COL24A1: variants seen among roughly 807,000 people sequenced by gnomAD.
COL24A1 encodes the protein collagen type XXIV alpha 1 chain, also known as collagen alpha-1(XXIV) chain.
Under a neutral mutation model 253.9 loss-of-function variants are expected in COL24A1, and 224 were observed. That is an observed-to-expected ratio of 0.88 (90% CI 0.79 to 0.99). COL24A1 has a LOEUF of 0.99. COL24A1 is among the 50% of genes least tolerant of loss of function. The pLI, the probability that COL24A1 is intolerant of heterozygous loss-of-function variation, is 0.00. For synonymous variants in COL24A1, 685 were observed against 673.7 expected (o/e 1.02, Z -0.26); for missense variants, 2,131 against 2,068.5 (o/e 1.03, Z -0.59).
At chr1:86,002,128 A>G (rs1039121846) in intron 19 of COL24A1, among the ~76,000 whole-genome samples, 1 of 152,262 alleles carries the variant, frequency 6.6e-6, no homozygotes, top group Non-Finnish European at 1.5e-5. Flanking sequence ...AAAGGCAGAG[A>G]TATTCCCATA....
chr1:85,790,242 G>A (rs1241243609), intron 47 of COL24A1, among the ~76,000 whole-genome samples: 2 of 152,216 alleles, frequency 1.3e-5, no homozygotes, highest in Non-Finnish European at 2.9e-5. Context: ...CTCATTATTG[G>A]TCTATTCAGG....
intron 56 of COL24A1, among the ~76,000 whole-genome samples, chr1:85,745,236 GT>G (rs1376996915): frequency 6.6e-6 from 1 of 151,880 alleles, no homozygotes; most frequent in South Asian, 2.1e-4. Flanking sequence ...TGATTTAAAT[GT>G]TTTCCTTACA....
chr1:85,835,224 C>T (rs946521158), intron 43 of COL24A1, among the ~76,000 whole-genome samples: 3 of 135,466 alleles, frequency 2.2e-5, no homozygotes, highest in South Asian at 2.3e-4. Flanking sequence ...CTCTGCCTCC[C>T]GGGTTCAAGT....
At chr1:85,832,498 T>C (rs1197077483) in intron 43 of COL24A1, among the ~76,000 whole-genome samples, 3,148 of 151,322 alleles carry the variant, frequency 0.021, 117 homozygotes, top group African/African-American at 0.072. Flanking sequence ...TGGCATTGAA[T>C]CTGTAAATTA....
chr1:85,746,286 T>G (rs1036112566), intron 55 of COL24A1, among the ~76,000 whole-genome samples: 2 of 152,186 alleles, frequency 1.3e-5, no homozygotes, highest in Non-Finnish European at 2.9e-5. Context: ...AACAGATATC[T>G]CATAGCTCAT....
chr1:85,945,177 C>T (rs1191566669), intron 24 of COL24A1, among the ~76,000 whole-genome samples: 1 of 151,160 alleles, frequency 6.6e-6, no homozygotes, highest in African/African-American at 2.4e-5. Context: ...GCCACCATGC[C>T]TGGCTAATTT....
intron 12 of COL24A1, among the ~76,000 whole-genome samples, chr1:86,035,685 T>C (rs1393709564): frequency 1.3e-5 from 2 of 152,112 alleles, no homozygotes; most frequent in Non-Finnish European, 2.9e-5. Flanking sequence ...TACTAAAAAC[T>C]GCCAAATTAT....
At chr1:85,984,227 AGTTCTCTG>A (rs1693509657) in intron 20 of COL24A1, among the ~76,000 whole-genome samples, 1 of 151,864 alleles carries the variant, frequency 6.6e-6, no homozygotes, top group South Asian at 2.1e-4. Context: ...GAACTTTGAA[AGTTCTCTG>A]GTTCTTCACC....
At position 86,115,328 on chromosome 1, in the gene COL24A1, T is replaced by A. The variant is rs1706036645; in HGVS notation, c.1542A>T (p.Pro514=). ...GIPGPSGKRG[P]RGIPGPHGNP... ...GAAATATAGCCCATCTACTTACCCG[T>A]GGACCTCTCTTCCCTGACGGACCTG... Residue 514 remains proline (P), a synonymous_variant, in exon 4 of 60, where the codon CCA becomes CCT. Transcript: ENST00000370571. The A allele has an allele frequency of 6.8e-6, 11 of 1,613,810 alleles. No homozygotes were observed. Among genetic ancestry groups the A allele is most frequent in the Non-Finnish European group, 9.3e-6 (11 of 1,179,850 alleles).
Position 86,012,355 on chromosome 1 carries a change from C to T in COL24A1, c.2310+4796G>A, listed in dbSNP as rs558387981. 7.9e-5 allele frequency among the ~76,000 whole-genome samples: 12 copies of T among 152,046 alleles called. No homozygotes were observed. In the South Asian group the frequency reaches 1.0e-3, roughly 13 times the overall value. On this transcript the variant is annotated intron_variant, in intron 19 of 59. Coordinates refer to ENST00000370571, the MANE Select transcript of COL24A1 (RefSeq NM_152890.7). ...CTGTAATCCCAGCACTTTGGGAGGCCGAGGTGGGCAGATCACGAGGTCAGG... is the reference window on the plus strand; with the variant it reads ...CTGTAATCCCAGCACTTTGGGAGGCTGAGGTGGGCAGATCACGAGGTCAGG...
chr1:86,008,080 T>A (rs955113462), intron 19 of COL24A1, among the ~76,000 whole-genome samples: 1 of 152,066 alleles, frequency 6.6e-6, no homozygotes, highest in Non-Finnish European at 1.5e-5. Flanking sequence ...AGAATGCAAG[T>A]TGAGACAATA....
intron 52 of COL24A1, among the ~76,000 whole-genome samples, chr1:85,776,004 C>T (rs1008031209): frequency 6.6e-6 from 1 of 152,154 alleles, no homozygotes; most frequent in African/African-American, 2.4e-5. Context: ...ATCTGACAAT[C>T]ATATACAAAG....
intron 10 of COL24A1, among the ~76,000 whole-genome samples, chr1:86,056,566 G>T (rs556651681): frequency 6.6e-6 from 1 of 152,002 alleles, no homozygotes; most frequent in African/African-American, 2.4e-5. Flanking sequence ...TTTTTAAAAG[G>T]CATGTTAGGC....
chr1:86,118,132 G>A (rs923164121), intron 3 of COL24A1, among the ~76,000 whole-genome samples: 9 of 149,972 alleles, frequency 6.0e-5, no homozygotes, highest in South Asian at 2.1e-4. Context: ...GCGTGATCTC[G>A]GCTCACTGCA....
chr1:86,152,272 A>G (rs1265618884), intron 1 of COL24A1, among the ~76,000 whole-genome samples: 2 of 152,132 alleles, frequency 1.3e-5, no homozygotes, highest in African/African-American at 4.8e-5. Flanking sequence ...TAAAAATCCA[A>G]AGTCCTAAAT....
chr1:85,895,806 C>G (rs1283066355), intron 31 of COL24A1, 52 bp downstream of exon 31: 1 of 1,479,774 alleles, frequency 6.8e-7, no homozygotes, highest in Non-Finnish European at 9.3e-7. Flanking sequence ...GCCCCTTTCC[C>G]CCAAAAATGC....
chr1:86,089,215 G>A lies in COL24A1; in HGVS notation c.1666C>T (p.Leu556Phe). Residue 556 changes from leucine to phenylalanine, a missense_variant, in exon 7 of 60, where the codon CTT (leucine) becomes TTT (phenylalanine). Leu to Phe is a conservative substitution (Grantham distance 22). Transcript: ENST00000370571. ...CCAGGGGGGCCCATTAATCCAGAAA[G>A]GCCTTGATCACCCTATAAACAAAAT... ...PVPGEKGDQG[L>F]SGLMGPPGMQ... 1 of 1,586,442 alleles carries A rather than the reference G, an allele frequency of 6.3e-7. No individual in the cohort carries two copies. The highest frequency in any genetic ancestry group is 2.3e-5 in the East Asian group (1 of 44,190).
intron 1 of COL24A1, chr1:86,155,079 C>T (rs1309735873): frequency 1.3e-5 from 2 of 152,462 alleles, no homozygotes; most frequent in Non-Finnish European, 2.9e-5. Context: ...CTACTCGCTC[C>T]AGGGACTCCC....
chr1:85,754,584 A>T (rs1396543655), intron 55 of COL24A1, among the ~76,000 whole-genome samples: 1 of 150,714 alleles, frequency 6.6e-6, no homozygotes, highest in African/African-American at 2.4e-5. Flanking sequence ...GGACAGTATG[A>T]GAAAGATGTC....
Sources: allele counts gnomAD v4.1 joint callset (sites outside exome capture counted in the v4.1 genomes callset), GRCh38; gene constraint gnomAD v4.1.1; transcripts MANE v1.5; gene names NCBI Gene and HGNC (gene_info 2026-07-23, HGNC 2026-07-21).